The following NPAS3 variants were observed in gnomAD, a reference collection of about 807,000 sequenced individuals.
NPAS3 encodes neuronal PAS domain protein 3, also known as neuronal PAS domain-containing protein 3.
NPAS3 carries 14 observed loss-of-function variants against 73.1 expected under a neutral mutation model. The observed-to-expected ratio is 0.19, with a 90% CI of 0.13 to 0.30. The LOEUF (loss-of-function observed/expected upper bound fraction) is 0.30. NPAS3 is among the 10% of genes least tolerant of loss of function. The probability of loss-of-function intolerance (pLI) is 1.00; values close to 1 mark genes in which losing one functional copy is unlikely to be tolerated. For synonymous variants in NPAS3, 620 were observed against 541.5 expected (o/e 1.14, Z -2.01); for missense variants, 1,096 against 1,250.0 (o/e 0.88, Z 1.86).
chr14:33,730,407 G>C (rs1264546308), intron 6 of NPAS3, among the ~76,000 whole-genome samples: 2 of 152,054 alleles, frequency 1.3e-5, no homozygotes, highest in African/African-American at 2.4e-5. Context: ...TAATGCTACA[G>C]TAAAAAAAAC....
At chr14:32,971,929 T>C (rs1279439196) in intron 1 of NPAS3, among the ~76,000 whole-genome samples, 1 of 147,232 alleles carries the variant, frequency 6.8e-6, no homozygotes, top group Non-Finnish European at 1.5e-5. Flanking sequence ...ATTAAATCAG[T>C]GGGACTCTTT....
chr14:33,330,809 T>A (rs2043950819), intron 3 of NPAS3, among the ~76,000 whole-genome samples: 1 of 152,214 alleles, frequency 6.6e-6, no homozygotes, highest in Non-Finnish European at 1.5e-5. Context: ...GATTTATTTG[T>A]TTGTGAGGAC....
intron 4 of NPAS3, among the ~76,000 whole-genome samples, chr14:33,413,029 A>G (rs894766862): frequency 6.6e-6 from 1 of 152,204 alleles, no homozygotes; most frequent in Non-Finnish European, 1.5e-5. Context: ...CTTGAAAGCA[A>G]AGGCAGTTCG....
chr14:33,133,092 C>T (rs1168817691), intron 2 of NPAS3, among the ~76,000 whole-genome samples: 1 of 152,154 alleles, frequency 6.6e-6, no homozygotes, highest in Non-Finnish European at 1.5e-5. Flanking sequence ...AAGAAGACTT[C>T]TATCTGTATT....
chr14:33,345,597 T>C (rs1226208172), intron 3 of NPAS3, among the ~76,000 whole-genome samples: 2 of 152,182 alleles, frequency 1.3e-5, no homozygotes, highest in Non-Finnish European at 2.9e-5. Flanking sequence ...AGGAAGTAGA[T>C]TGATATTCTT....
At chr14:33,609,547 A>G (rs903900610) in intron 5 of NPAS3, among the ~76,000 whole-genome samples, 1 of 152,022 alleles carries the variant, frequency 6.6e-6, no homozygotes, top group African/African-American at 2.4e-5. Context: ...CTCAAAAAAA[A>G]AAGGACGTGA....
At chr14:33,657,167 A>T (rs1430623954) in intron 5 of NPAS3, among the ~76,000 whole-genome samples, 1 of 152,188 alleles carries the variant, frequency 6.6e-6, no homozygotes, top group African/African-American at 2.4e-5. Flanking sequence ...ATAGAAACAG[A>T]CTGATTTATA....
intron 5 of NPAS3, among the ~76,000 whole-genome samples, chr14:33,625,071 T>C (rs2058183570): frequency 6.6e-6 from 1 of 152,220 alleles, no homozygotes; most frequent in Non-Finnish European, 1.5e-5. Flanking sequence ...GACCTTTTAT[T>C]TAATTAGAAA....
At chr14:33,801,142 G>T, downstream of NPAS3, 1 of 1,544,894 alleles carries the variant, frequency 6.5e-7, no homozygotes, top group Non-Finnish European at 8.7e-7. Context: ...GCCAGGCCCC[G>T]CTTGGAGGAG....
At chr14:33,790,487 G>T (rs970739126) in intron 9 of NPAS3, among the ~76,000 whole-genome samples, 1 of 151,188 alleles carries the variant, frequency 6.6e-6, no homozygotes, top group African/African-American at 2.4e-5. Context: ...CATGAGTTCA[G>T]GAAAAGCTGT....
intron 2 of NPAS3, among the ~76,000 whole-genome samples, chr14:33,128,328 AT>A (rs1185025905): frequency 6.6e-6 from 1 of 152,090 alleles, no homozygotes; most frequent in Non-Finnish European, 1.5e-5. Context: ...GTGGAAAAAT[AT>A]TTTTTTCTCA....
chr14:33,081,697 T>G (rs1373207255), intron 2 of NPAS3, among the ~76,000 whole-genome samples: 1 of 152,208 alleles, frequency 6.6e-6, no homozygotes, highest in Non-Finnish European at 1.5e-5. Context: ...CCAGGATCAG[T>G]GAACTGATGC....
chr14:33,015,797 G>T (rs1309108691), intron 1 of NPAS3, among the ~76,000 whole-genome samples: 1 of 152,130 alleles, frequency 6.6e-6, no homozygotes, highest in Non-Finnish European at 1.5e-5. Flanking sequence ...AAAATTGTGG[G>T]TAATTGTTTC....
At chr14:32,952,390 G>A (rs1017835488) in intron 1 of NPAS3, among the ~76,000 whole-genome samples, 4 of 152,026 alleles carry the variant, frequency 2.6e-5, no homozygotes, top group Non-Finnish European at 5.9e-5. Context: ...AAGATGATCT[G>A]ATTAGAATAA....
intron 4 of NPAS3, among the ~76,000 whole-genome samples, chr14:33,438,790 G>A (rs917705729): frequency 2.0e-5 from 3 of 152,062 alleles, no homozygotes; most frequent in Non-Finnish European, 2.9e-5. Context: ...CCCACAATAC[G>A]TAAAAATTTT....
chr14:33,004,817 C>CTTTTTTTTTTTTTTTTTTTTTTTTTTTT, intron 1 of NPAS3, among the ~76,000 whole-genome samples: 659 of 63,818 alleles, frequency 0.01, 119 homozygotes, highest in Middle Eastern at 0.023. Context: ...AAAAGTTTTC[C>CTTTTTTTTTTTTTTTTTTTTTTTTTTTT]TTTTTTTTTT....
At chr14:33,685,869 G>C (rs1157276302) in intron 6 of NPAS3, among the ~76,000 whole-genome samples, 1 of 152,146 alleles carries the variant, frequency 6.6e-6, no homozygotes, top group Non-Finnish European at 1.5e-5. Context: ...CCACACCAGA[G>C]CAGACACTGG....
chr14:33,474,338 A>G (rs1430647522), intron 4 of NPAS3, among the ~76,000 whole-genome samples: 1 of 152,200 alleles, frequency 6.6e-6, no homozygotes, highest in Non-Finnish European at 1.5e-5. Context: ...AAAGAAATAT[A>G]TCTGGATTAT....
chr14:33,163,819 A>T (rs2045014258), intron 2 of NPAS3, among the ~76,000 whole-genome samples: 1 of 152,166 alleles, frequency 6.6e-6, no homozygotes, highest in Non-Finnish European at 1.5e-5. Flanking sequence ...TGTGCCAGGT[A>T]TTTAACTGGG....
Sources: allele counts gnomAD v4.1 joint callset (sites outside exome capture counted in the v4.1 genomes callset), GRCh38; gene constraint gnomAD v4.1.1; transcripts MANE v1.5; gene names NCBI Gene and HGNC (gene_info 2026-07-23, HGNC 2026-07-21).